Variants in LUZP2 observed in about 807,000 individuals in gnomAD.
The protein encoded by LUZP2 is leucine zipper protein 2.
Under a neutral mutation model 51.6 loss-of-function variants are expected in LUZP2, and 52 were observed. The observed-to-expected ratio is 1.01, with a 90% CI of 0.81 to 1.27. The LOEUF (loss-of-function observed/expected upper bound fraction) is 1.27. Among genes scored for constraint, LUZP2 ranks in the 50% most tolerant of loss-of-function variants. The probability of loss-of-function intolerance (pLI) is 0.00; values close to 1 mark genes in which losing one functional copy is unlikely to be tolerated. For synonymous variants in LUZP2, 154 were observed against 137.3 expected, an observed-to-expected ratio of 1.12 and a Z score of -0.85; for missense variants, 436 against 395.4, an observed-to-expected ratio of 1.10 and a Z score of -0.87.
chr11:24,921,870 C>T (rs1215622254), intron 7 of LUZP2, among the ~76,000 whole-genome samples: 2 of 152,038 alleles, frequency 1.3e-5, no homozygotes, highest in African/African-American at 4.8e-5. Context: ...TTACTTTACT[C>T]AGGTCTGTAA....
intron 1 of LUZP2, among the ~76,000 whole-genome samples, chr11:24,506,762 T>C (rs74664305): frequency 2.0e-5 from 3 of 151,994 alleles, no homozygotes; most frequent in Non-Finnish European, 4.4e-5. Flanking sequence ...TAGGGACCCC[T>C]AAGTTTTGCA....
rs57668112 is a variant in LUZP2 at position 25,040,343 on chromosome 11, ATT to A, written c.766-9676_766-9675del. ...AGAGAGCCACTTTTCTTTCTTTCCGATTTTTTTTTTTTTTTTTTTTGCCAATA... is the reference window on the plus strand; with the variant it reads ...AGAGAGCCACTTTTCTTTCTTTCCGATTTTTTTTTTTTTTTTTTGCCAATA... On this transcript the variant is annotated intron_variant, in intron 9 of 11. Coordinates refer to ENST00000336930, the MANE Select transcript of LUZP2 (RefSeq NM_001009909.4). Among the ~76,000 whole-genome samples, 433 of 98,796 alleles carry A rather than the reference ATT, an allele frequency of 4.4e-3. 13 individuals carry two copies. Among genetic ancestry groups the A allele is most frequent in the South Asian group, 0.016 (51 of 3,120 alleles). The allele number at this position is 98,796 out of a possible 152,430, so 64.8% of individuals were successfully genotyped here. A position where few individuals can be genotyped will look rare whatever the true frequency, so the allele number is the denominator to read the frequency against.
At chr11:24,969,481 T>C (rs1855684780) in intron 7 of LUZP2, among the ~76,000 whole-genome samples, 1 of 152,188 alleles carries the variant, frequency 6.6e-6, no homozygotes, top group South Asian at 2.1e-4. Flanking sequence ...TTTATTTTAT[T>C]CTATAGGACA....
At chr11:24,949,578 T>C (rs1855015425) in intron 7 of LUZP2, among the ~76,000 whole-genome samples, 1 of 151,562 alleles carries the variant, frequency 6.6e-6, no homozygotes, top group Non-Finnish European at 1.5e-5. Flanking sequence ...TGTGTTCTAT[T>C]GAGTCATGTC....
chr11:25,023,262 T>A (rs911051686), intron 9 of LUZP2, among the ~76,000 whole-genome samples: 4 of 152,330 alleles, frequency 2.6e-5, no homozygotes, highest in South Asian at 2.1e-4. Context: ...AATTCGGCTG[T>A]GAATCCATCT....
intron 1 of LUZP2, among the ~76,000 whole-genome samples, chr11:24,581,169 A>G (rs61877888): frequency 0.093 from 13,944 of 149,816 alleles, 766 homozygotes; most frequent in African/African-American, 0.14. Flanking sequence ...GAATTTCTCA[A>G]TCCTTGGATG....
At chr11:24,623,374 T>C (rs1031177936) in intron 1 of LUZP2, among the ~76,000 whole-genome samples, 2 of 152,216 alleles carry the variant, frequency 1.3e-5, no homozygotes, top group Non-Finnish European at 2.9e-5. Flanking sequence ...AGTAAAAGTA[T>C]GTTATCTCTT....
chr11:24,990,668 G>A (rs1408570341), intron 9 of LUZP2, among the ~76,000 whole-genome samples: 1 of 152,034 alleles, frequency 6.6e-6, no homozygotes. Flanking sequence ...AGTAAATAGA[G>A]TTGGCACATA....
chr11:24,830,344 C>G (rs1487243431), intron 5 of LUZP2, among the ~76,000 whole-genome samples: 1 of 109,940 alleles, frequency 9.1e-6, no homozygotes, highest in East Asian at 2.2e-4. Flanking sequence ...TCTTTTATAT[C>G]TTTATTGTCC....
chr11:24,749,346 G>A (rs1203325831), intron 4 of LUZP2, among the ~76,000 whole-genome samples: 1 of 152,122 alleles, frequency 6.6e-6, no homozygotes, highest in South Asian at 2.1e-4. Flanking sequence ...TTCCCACTAG[G>A]AGCCTCTTCT....
rs193186388 is a variant in LUZP2, at chr11:24,623,667, G to A, written c.63-105502G>A. 1.9e-3 allele frequency among the ~76,000 whole-genome samples: 292 copies of A among 152,148 alleles called. 1 individual carries two copies. Among genetic ancestry groups the A allele is most frequent in the African/African-American group, 6.8e-3 (282 of 41,514 alleles). ...TGGAGACCAGCCTGGCCAACATGGTGAAACCCCCTCTCTACTAAAAATACA... is the reference window on the plus strand; with the variant it reads ...TGGAGACCAGCCTGGCCAACATGGTAAAACCCCCTCTCTACTAAAAATACA... On this transcript the variant is annotated intron_variant, in intron 1 of 11. Coordinates refer to ENST00000336930, the MANE Select transcript of LUZP2 (RefSeq NM_001009909.4).
At chr11:24,875,630 G>T (rs1852229706) in intron 5 of LUZP2, among the ~76,000 whole-genome samples, 1 of 150,110 alleles carries the variant, frequency 6.7e-6, no homozygotes, top group Admixed American at 6.6e-5. Context: ...TAATGGGATG[G>T]CTGGGTCAAA....
intron 5 of LUZP2, among the ~76,000 whole-genome samples, chr11:24,777,186 G>T (rs1848956907): frequency 6.6e-6 from 1 of 151,840 alleles, no homozygotes; most frequent in African/African-American, 2.4e-5. Context: ...GTAGATTCGG[G>T]GTTTCACCGT....
intron 1 of LUZP2, among the ~76,000 whole-genome samples, chr11:24,704,137 C>T (rs1187065216): frequency 2.6e-5 from 4 of 152,006 alleles, no homozygotes; most frequent in Admixed American, 1.3e-4. Flanking sequence ...CTCTCTCATA[C>T]GTTAACACGG....
intron 1 of LUZP2, among the ~76,000 whole-genome samples, chr11:24,580,349 G>A (rs999827652): frequency 2.6e-5 from 4 of 152,034 alleles, no homozygotes; most frequent in Non-Finnish European, 5.9e-5. Context: ...AAACAGCTGT[G>A]TATCAGTTGC....
chr11:24,527,550 ATC>A (rs144689201), intron 1 of LUZP2, among the ~76,000 whole-genome samples: 7,513 of 140,012 alleles, frequency 0.054, 450 homozygotes, highest in African/African-American at 0.15. Context: ...TTAAATAAGA[ATC>A]TCTCTCTCTC....
At chr11:24,783,320 C>T (rs1849145682) in intron 5 of LUZP2, among the ~76,000 whole-genome samples, 1 of 151,758 alleles carries the variant, frequency 6.6e-6, no homozygotes, top group Admixed American at 6.6e-5. Context: ...AAAACTGCTA[C>T]TAGGGGCTTT....
chr11:24,650,217 G>C (rs981901335), intron 1 of LUZP2, among the ~76,000 whole-genome samples: 2 of 151,894 alleles, frequency 1.3e-5, no homozygotes, highest in African/African-American at 4.8e-5. Context: ...CTTATGAACA[G>C]AGATGTGAGT....
intron 1 of LUZP2, among the ~76,000 whole-genome samples, chr11:24,570,528 T>C (rs1239565322): frequency 1.3e-5 from 2 of 152,048 alleles, no homozygotes; most frequent in East Asian, 1.9e-4. Flanking sequence ...ATTTTTTAAA[T>C]TGGGAAATTT....
Sources: allele counts gnomAD v4.1 joint callset (sites outside exome capture counted in the v4.1 genomes callset), GRCh38; gene constraint gnomAD v4.1.1; transcripts MANE v1.5; gene names NCBI Gene and HGNC (gene_info 2026-07-23, HGNC 2026-07-21).